The following RBM24 variants were observed in gnomAD, a reference collection of about 807,000 sequenced individuals.
RBM24 encodes RNA-binding protein 24.
Under a neutral mutation model 23.6 loss-of-function variants are expected in RBM24, and 5 were observed. That is an observed-to-expected ratio of 0.21 (90% CI 0.11 to 0.45). RBM24 has a LOEUF of 0.45. Ranked by LOEUF, RBM24 falls within the 20% of genes least tolerant of loss-of-function variation. The pLI is 0.99. For synonymous variants in RBM24, 151 were observed against 129.5 expected (o/e 1.17, Z -1.13); for missense variants, 252 against 314.6 (o/e 0.80, Z 1.51).
intron 3 of RBM24, among the ~76,000 whole-genome samples, chr6:17,290,601 T>C (rs1341518078): frequency 6.6e-6 from 1 of 152,200 alleles, no homozygotes; most frequent in Admixed American, 6.5e-5. Context: ...GGATAACACA[T>C]GATTATACAA....
chr6:17,282,298 T>C, intron 1 of RBM24: 2 of 1,255,102 alleles, frequency 1.6e-6, no homozygotes, highest in Non-Finnish European at 2.1e-6. Context: ...CCTAGAGATT[T>C]AAGCGTGCAA....
At chr6:17,289,915 C>A in intron 3 of RBM24, 1 of 1,273,960 alleles carries the variant, frequency 7.8e-7, no homozygotes, top group Non-Finnish European at 1.0e-6. Context: ...CCTGTTGTTG[C>A]GAGTGAGCCA....
At chr6:17,290,156 G>A in intron 3 of RBM24, 2 of 1,162,954 alleles carry the variant, frequency 1.7e-6, no homozygotes, top group South Asian at 1.3e-5. Context: ...TCGTTAATGA[G>A]TGCTTTCAGT....
intron 3 of RBM24, chr6:17,289,134 G>A (rs538874909): frequency 3.0e-6 from 3 of 985,386 alleles, no homozygotes; most frequent in East Asian, 1.1e-4. Flanking sequence ...AGGCATGCAC[G>A]TTTTATGGTT....
Position 17,293,768 on chromosome 6 carries a change from A to C in RBM24, c.*1649A>C, listed in dbSNP as rs1204436456. On this transcript the variant is annotated 3_prime_UTR_variant, in exon 4 of 4. Coordinates refer to ENST00000379052, the MANE Select transcript of RBM24 (RefSeq NM_001143942.2). ...CATACTAGACAGTGTTATGTAATGT[A>C]GACATGACTCTCCTGTGCAAATTAT... is the stretch of plus-strand genomic sequence containing the variant. The C allele has an allele frequency of 2.0e-5, 3 of 152,682 alleles. No individual in the cohort carries two copies. Among genetic ancestry groups the C allele is most frequent in the Non-Finnish European group, 2.9e-5 (2 of 68,042 alleles). 9.5% of individuals were successfully genotyped at this position (152,682 alleles called of 1,614,324 possible).
chr6:17,287,752 C>T (rs963898006), intron 3 of RBM24, among the ~76,000 whole-genome samples: 4 of 151,578 alleles, frequency 2.6e-5, no homozygotes, highest in Non-Finnish European at 4.4e-5. Flanking sequence ...GAGCTTGCAG[C>T]GAGCCGAGAT....
intron 1 of RBM24, chr6:17,282,453 TG>T (rs1429984528): frequency 7.7e-5 from 32 of 414,620 alleles, no homozygotes; most frequent in Non-Finnish European, 1.3e-4. Flanking sequence ...AGTAGGGACC[TG>T]GGGGGCGGGG....
At chr6:17,285,868 C>T (rs530866627) in intron 3 of RBM24, among the ~76,000 whole-genome samples, 1 of 152,172 alleles carries the variant, frequency 6.6e-6, no homozygotes, top group African/African-American at 2.4e-5. Context: ...TGTTTTGGCT[C>T]TGTTCTACCT....
At chr6:17,282,428 G>A in intron 1 of RBM24, 1 of 514,182 alleles carries the variant, frequency 1.9e-6, no homozygotes, top group Non-Finnish European at 3.6e-6. Context: ...AAAGCAAACG[G>A]TGCCTCTGAG....
At chr6:17,285,866 C>CTCT (rs1760179355) in intron 3 of RBM24, among the ~76,000 whole-genome samples, 1 of 152,166 alleles carries the variant, frequency 6.6e-6, no homozygotes, top group South Asian at 2.1e-4. Flanking sequence ...TCTGTTTTGG[C>CTCT]TCTGTTCTAC....
chr6:17,281,843 T>C lies in RBM24; in HGVS notation c.168+94T>C. The C allele has an allele frequency of 6.9e-7, 1 of 1,459,822 alleles. No individual in the cohort carries two copies. The highest frequency in any genetic ancestry group is 9.3e-7 in the Non-Finnish European group (1 of 1,075,832). The allele number at this position is 1,459,822 out of a possible 1,614,324, so 90.4% of individuals were successfully genotyped here. A position where few individuals can be genotyped will look rare whatever the true frequency, so the allele number is the denominator to read the frequency against. On this transcript the variant is annotated intron_variant, in intron 1 of 3. Transcript: ENST00000379052. This position sits in a 1 kb window ranked among gnomAD's most constrained non-coding sequence, Gnocchi z 7.1. The stretch of plus-strand genomic sequence containing the variant: ...GGAGTGAGGGGCTCGGCGTGACCCG[T>C]GAGGAGCCCCGCGGGTAGAGCGGCG...
rs538014119 is a variant in RBM24, at chr6:17,281,804, G to C, written c.168+55G>C. On this transcript the variant is annotated intron_variant, in intron 1 of 3. Coordinates refer to ENST00000379052, the MANE Select transcript of RBM24 (RefSeq NM_001143942.2). The surrounding 1 kb of genome is among the most constrained non-coding windows in gnomAD (Gnocchi z 7.1). ...AGGGACGGAGTGGCGGCTGACCCCG[G>C]GGATCGGGAGCTTGGAGTGAGGGGC... 5,314 of 1,537,430 alleles carry C rather than the reference G, an allele frequency of 3.5e-3. 16 individuals carry two copies. Among genetic ancestry groups the C allele is most frequent in the Non-Finnish European group, 4.3e-3 (4,871 of 1,138,402 alleles).
intron 1 of RBM24, chr6:17,282,130 T>A: frequency 8.2e-7 from 1 of 1,223,906 alleles, no homozygotes; most frequent in South Asian, 1.5e-5. Flanking sequence ...ATGCGTGTGT[T>A]CTGGTGTTTT....
In RBM24 at chr6:17,293,730, C is replaced by CT. The variant is rs1375456976; in HGVS notation, c.*1614dup. 2 of 152,594 alleles carry CT rather than the reference C, an allele frequency of 1.3e-5. No homozygotes were observed. Among genetic ancestry groups the CT allele is most frequent in the Non-Finnish European group, 2.9e-5 (2 of 68,038 alleles). The allele number at this position is 152,594 out of a possible 1,614,324, so 9.5% of individuals were successfully genotyped here. Reference sequence around the variant, plus strand: ...ACTTTCTCCATTATCACTGGATTTACTTTAAGTATTCCCATACTAGACAGT... The same window carrying CT: ...ACTTTCTCCATTATCACTGGATTTACTTTTAAGTATTCCCATACTAGACAGT... On this transcript the variant is annotated 3_prime_UTR_variant, in exon 4 of 4. Coordinates refer to ENST00000379052, the MANE Select transcript of RBM24 (RefSeq NM_001143942.2).
chr6:17,289,101 C>T (rs1760279699), intron 3 of RBM24: 1 of 985,238 alleles, frequency 1.0e-6, no homozygotes, highest in Non-Finnish European at 1.2e-6. Context: ...GTCTTCTTTG[C>T]ACTTGTGCTT....
Position 17,293,225 on chromosome 6 carries a change from T to C in RBM24, c.*1106T>C, listed in dbSNP as rs1208287389. On this transcript the variant is annotated 3_prime_UTR_variant, in exon 4 of 4. Transcript: ENST00000379052. The stretch of plus-strand genomic sequence containing the variant: ...GCCTTAATAGTAATGCTATTTAAGA[T>C]ATTTATTTTTAAGTTTTACTATGCT... 6.6e-6 allele frequency: 1 copy of C among 152,648 alleles called. No homozygotes were observed. Among genetic ancestry groups the C allele is most frequent in the Admixed American group, 6.5e-5 (1 of 15,284 alleles). 9.5% of individuals were successfully genotyped at this position (152,648 alleles called of 1,614,324 possible). A position where few individuals can be genotyped will look rare whatever the true frequency, so the allele number is the denominator to read the frequency against.
intron 3 of RBM24, among the ~76,000 whole-genome samples, chr6:17,285,910 A>T (rs1561734934): frequency 6.6e-6 from 1 of 152,148 alleles, no homozygotes; most frequent in African/African-American, 2.4e-5. Flanking sequence ...AACGCAGGAT[A>T]CTTAAATTTT....
At chr6:17,287,185 C>T (rs988531044) in intron 3 of RBM24, among the ~76,000 whole-genome samples, 1 of 152,124 alleles carries the variant, frequency 6.6e-6, no homozygotes, top group Non-Finnish European at 1.5e-5. Flanking sequence ...CAAATCACAC[C>T]TGGTCATCCT....
At chr6:17,286,331 C>T (rs981922024) in intron 3 of RBM24, among the ~76,000 whole-genome samples, 14 of 151,984 alleles carry the variant, frequency 9.2e-5, no homozygotes, top group African/African-American at 3.4e-4. Context: ...ATGGGTTCAG[C>T]TATTTCTGTG....
Sources: allele counts gnomAD v4.1 joint callset (sites outside exome capture counted in the v4.1 genomes callset), GRCh38; gene constraint gnomAD v4.1.1; non-coding constraint Gnocchi (gnomAD v3.1); transcripts MANE v1.5; gene names NCBI Gene and HGNC (gene_info 2026-07-23, HGNC 2026-07-21).